The following TRPS1 variants were observed in gnomAD, a reference collection of about 807,000 sequenced individuals.
TRPS1 encodes zinc finger transcription factor Trps1.
Under a neutral mutation model 101.2 loss-of-function variants are expected in TRPS1, and 6 were observed. The ratio of observed to expected loss-of-function variants is 0.06; its 90% confidence interval spans 0.03 to 0.12. The LOEUF (loss-of-function observed/expected upper bound fraction) is 0.12. Among genes scored for constraint, TRPS1 ranks in the 10% least tolerant of loss-of-function variants. The pLI, the probability that TRPS1 is intolerant of heterozygous loss-of-function variation, is 1.00. For synonymous variants in TRPS1, 578 were observed against 589.8 expected (o/e 0.98, Z 0.29); for missense variants, 1,363 against 1,567.0 (o/e 0.87, Z 2.20).
chr8:115,635,663 G>A (rs1818751396), intron 1 of TRPS1, among the ~76,000 whole-genome samples: 1 of 152,078 alleles, frequency 6.6e-6, no homozygotes, highest in African/African-American at 2.4e-5. Flanking sequence ...ACACAAACAA[G>A]GATAGCAAAA....
intron 4 of TRPS1, among the ~76,000 whole-genome samples, chr8:115,591,040 T>C (rs1342649355): frequency 2.0e-5 from 3 of 152,044 alleles, no homozygotes; most frequent in Non-Finnish European, 4.4e-5. Context: ...GTAGAATATA[T>C]TCTATGCTTT....
chr8:115,604,802 C>G lies in TRPS1; in HGVS notation c.1167G>C (p.Glu389Asp). 6.2e-7 allele frequency: 1 copy of G among 1,613,984 alleles called. No homozygotes were observed. The highest frequency in any genetic ancestry group is 8.5e-7 in the Non-Finnish European group (1 of 1,179,970). Residue 389 changes from glutamate to aspartate, a missense_variant, in exon 4 of 7, where the codon GAG (glutamate) becomes GAC (aspartate). Glu to Asp is a conservative substitution (Grantham distance 45). This residue lies in a region of TRPS1 where 1,020 missense variants were observed against 1,073.0 expected (regional missense o/e 0.95). Coordinates refer to ENST00000395715, the MANE Select transcript of TRPS1 (RefSeq NM_014112.5). The surrounding 1 kb of genome is among the most constrained non-coding windows in gnomAD (Gnocchi z 4.1). The stretch of plus-strand genomic sequence containing the variant: ...CAGGGATGGACTTGTTAGAGTTTTT[C>G]TCTGAAGGTTTTGCAACCTCAGAGG... ...LPSSEVAKPS[E>D]KNSNKSIPAL...
At chr8:115,490,995 G>A (rs889571380) in intron 5 of TRPS1, among the ~76,000 whole-genome samples, 1 of 152,102 alleles carries the variant, frequency 6.6e-6, no homozygotes, top group Non-Finnish European at 1.5e-5. Flanking sequence ...TACTGGGAGG[G>A]ACATATATTC....
At chr8:115,473,036 C>T (rs1586308964) in intron 5 of TRPS1, among the ~76,000 whole-genome samples, 1 of 152,196 alleles carries the variant, frequency 6.6e-6, no homozygotes, top group African/African-American at 2.4e-5. Flanking sequence ...GCCTTCCAAA[C>T]TGTTCCAACC....
intron 4 of TRPS1, among the ~76,000 whole-genome samples, chr8:115,590,599 C>T (rs1242259155): frequency 1.3e-5 from 2 of 152,208 alleles, no homozygotes; most frequent in African/African-American, 4.8e-5. Context: ...TATTTTCAAA[C>T]GGTAGACTCT....
intron 1 of TRPS1, among the ~76,000 whole-genome samples, chr8:115,644,596 T>A (rs1474512540): frequency 6.6e-6 from 1 of 152,242 alleles, no homozygotes; most frequent in Non-Finnish European, 1.5e-5. Flanking sequence ...ATCATGTGTG[T>A]GTTCAACAGA....
intron 5 of TRPS1, among the ~76,000 whole-genome samples, chr8:115,533,344 C>T (rs762759670): frequency 7.9e-5 from 12 of 151,602 alleles, no homozygotes; most frequent in Non-Finnish European, 1.5e-4. Flanking sequence ...ACGGTAAATC[C>T]TGTCTACAAT....
At chr8:115,458,849 T>C (rs929084399) in intron 5 of TRPS1, among the ~76,000 whole-genome samples, 2 of 152,184 alleles carry the variant, frequency 1.3e-5, no homozygotes, top group African/African-American at 4.8e-5. Flanking sequence ...AAAATATTTG[T>C]TGTAATTAGC....
intron 5 of TRPS1, among the ~76,000 whole-genome samples, chr8:115,498,409 C>CTATA (rs1815212488): frequency 1.1e-4 from 9 of 80,946 alleles, no homozygotes; most frequent in Non-Finnish European, 2.0e-4. Context: ...CTCTCTCTCT[C>CTATA]TCTCTCTATA....
chr8:115,561,928 A>C (rs543309382), intron 5 of TRPS1, among the ~76,000 whole-genome samples: 1 of 152,242 alleles, frequency 6.6e-6, no homozygotes, highest in East Asian at 1.9e-4. Context: ...CAAGCACCTT[A>C]ATCATGTGCA....
intron 5 of TRPS1, among the ~76,000 whole-genome samples, chr8:115,489,845 G>A (rs1238488786): frequency 2.6e-5 from 4 of 151,936 alleles, no homozygotes; most frequent in East Asian, 1.9e-4. Flanking sequence ...ATTTTTAAAC[G>A]GTAAAATTGC....
At chr8:115,619,096 CT>C (rs1277179793) in intron 3 of TRPS1, 35 bp downstream of exon 3, 3 of 1,609,138 alleles carry the variant, frequency 1.9e-6, no homozygotes, top group Admixed American at 3.3e-5. Context: ...TTTCTAATAA[CT>C]TTTTCTGTAC....
intron 5 of TRPS1, among the ~76,000 whole-genome samples, chr8:115,580,799 G>A (rs1201335728): frequency 6.6e-6 from 1 of 152,058 alleles, no homozygotes; most frequent in Non-Finnish European, 1.5e-5. Flanking sequence ...ATGTGGGTGG[G>A]AGTGTAAACT....
chr8:115,497,776 C>T (rs1238995917), intron 5 of TRPS1, among the ~76,000 whole-genome samples: 3 of 152,100 alleles, frequency 2.0e-5, no homozygotes, highest in Admixed American at 1.3e-4. Flanking sequence ...AATTATGTTA[C>T]ATCAATAAGC....
At chr8:115,567,784 C>T (rs555510656) in intron 5 of TRPS1, among the ~76,000 whole-genome samples, 2 of 152,234 alleles carry the variant, frequency 1.3e-5, no homozygotes, top group African/African-American at 4.8e-5. Flanking sequence ...CTGTCCCTAA[C>T]GTGCAATCCA....
At chr8:115,564,451 T>C (rs1412347696) in intron 5 of TRPS1, among the ~76,000 whole-genome samples, 1 of 152,060 alleles carries the variant, frequency 6.6e-6, no homozygotes, top group Non-Finnish European at 1.5e-5. Flanking sequence ...CAATAGATCC[T>C]GATGACACAG....
intron 5 of TRPS1, among the ~76,000 whole-genome samples, chr8:115,438,108 A>C (rs1813501780): frequency 6.6e-6 from 1 of 152,236 alleles, no homozygotes; most frequent in African/African-American, 2.4e-5. Context: ...TGCAAGGTTC[A>C]CTTACTCCCT....
In TRPS1 at chr8:115,619,596, T is replaced by C. The variant is rs1818343738; in HGVS notation, c.502A>G (p.Lys168Glu). 1 of 1,614,208 alleles carries C rather than the reference T, an allele frequency of 6.2e-7. No individual in the cohort carries two copies. The highest frequency in any genetic ancestry group is 8.5e-7 in the Non-Finnish European group (1 of 1,180,044). ...TCCTCTGTAGCCTTTGGTGACATCTTCTGATCTTCCTTTGTCTCCAGTGAG... is the reference window on the plus strand; with the variant it reads ...TCCTCTGTAGCCTTTGGTGACATCTCCTGATCTTCCTTTGTCTCCAGTGAG... ...GDSLETKEDQ[K>E]MSPKATEETG... The change falls in exon 3 of 7, where the codon AAG becomes GAG. Residue 168 changes from lysine to glutamate, a missense_variant. Transcript: ENST00000395715.
intron 5 of TRPS1, among the ~76,000 whole-genome samples, chr8:115,554,329 A>T (rs1187417307): frequency 6.6e-6 from 1 of 152,146 alleles, no homozygotes; most frequent in African/African-American, 2.4e-5. Flanking sequence ...GCTTTTCAAA[A>T]TGACAGGACA....
Sources: gnomAD v4.1 joint callset for allele counts (sites outside exome capture counted in the v4.1 genomes callset) on GRCh38, gnomAD v4.1.1 for gene constraint, gnomAD v4.1.1 regional missense constraint, Gnocchi (gnomAD v3.1) non-coding constraint, MANE v1.5 for transcripts, NCBI Gene and HGNC (gene_info 2026-07-23, HGNC 2026-07-21) for gene names.